The following ZNF83 variants were observed in gnomAD, a reference collection of about 807,000 sequenced individuals.
ZNF83 encodes the protein zinc finger protein 83, also known as zinc finger protein 816B.
For missense variants in ZNF83, 552 were observed against 629.9 expected (o/e 0.88, Z 1.32); for synonymous variants, 209 against 213.0 (o/e 0.98, Z 0.17).
intron 3 of ZNF83, chr19:52,652,982 G>T: frequency 7.4e-7 from 1 of 1,343,498 alleles, no homozygotes; most frequent in Non-Finnish European, 1.1e-6. Context: ...CACCTGTAAG[G>T]TTTCTCTCCA....
At chr19:52,619,204 G>A (rs2060439643) in intron 2 of ZNF83, 2 of 1,584,766 alleles carry the variant, frequency 1.3e-6, no homozygotes, top group Non-Finnish European at 1.7e-6. Context: ...ACCACATGAT[G>A]TCTTCCCAGT....
At chr19:52,627,996 G>A (rs932269117) in intron 2 of ZNF83, among the ~76,000 whole-genome samples, 6 of 151,958 alleles carry the variant, frequency 3.9e-5, no homozygotes, top group Admixed American at 1.3e-4. Context: ...CACTGAGTAC[G>A]TTGTGACACC....
rs982233494 is a variant in ZNF83 at position 52,613,675 on chromosome 19, A to G, written c.890T>C (p.Val297Ala). The G allele has an allele frequency of 1.4e-5, 22 of 1,613,234 alleles. No homozygotes were observed. The highest frequency in any genetic ancestry group is 1.7e-5 in the Non-Finnish European group (20 of 1,179,816). ...TACTAGGGATGACTTGTGACTGAAG[A>G]CCTTGCCACACTCATTACATTTGTA... Residue 297 changes from valine (V) to alanine (A), a missense_variant, in exon 3 of 3, where the codon GTC (valine) becomes GCC (alanine). Val to Ala is a moderately conservative substitution (Grantham distance 64). Coordinates refer to ENST00000301096, the Ensembl canonical transcript of ZNF83.
At chr19:52,640,015 A>ATCCTGGCTC, upstream of ZNF83, among the ~76,000 whole-genome samples, 1 of 152,288 alleles carries the variant, frequency 6.6e-6, no homozygotes, top group African/African-American at 2.4e-5. Context: ...TTGGTCACAC[A>ATCCTGGCTC]TAGTTCATCC....
At chr19:52,685,112 T>C (rs2061992428) in intron 1 of ZNF83, among the ~76,000 whole-genome samples, 1 of 152,188 alleles carries the variant, frequency 6.6e-6, no homozygotes, top group African/African-American at 2.4e-5. Flanking sequence ...AAAATTCTAG[T>C]TACAACTGGG....
At chr19:52,620,268 C>CTGTGTGTGTGTGTGTGTGTG (rs1346555908) in intron 2 of ZNF83, among the ~76,000 whole-genome samples, 1 of 121,246 alleles carries the variant, frequency 8.2e-6, no homozygotes, top group African/African-American at 3.2e-5. Context: ...GTGTGTATAT[C>CTGTGTGTGTGTGTGTGTGTG]TCTGTGTGTG....
intron 1 of ZNF83, among the ~76,000 whole-genome samples, chr19:52,665,102 A>G (rs933038699): frequency 6.6e-6 from 1 of 152,206 alleles, no homozygotes; most frequent in Non-Finnish European, 1.5e-5. Context: ...CGGCCCACAG[A>G]ACCAATTAGA....
intron 1 of ZNF83, among the ~76,000 whole-genome samples, chr19:52,687,616 G>GTATATATATATATAATGTGTATATATA (rs2062062388): frequency 1.3e-4 from 2 of 15,822 alleles, no homozygotes; most frequent in East Asian, 1.3e-3. Flanking sequence ...TATATAATGT[G>GTATATATATATATAATGTGTATATATA]TATATATATA....
chr19:52,677,373 C>A (rs1417449939), intron 1 of ZNF83, among the ~76,000 whole-genome samples: 2 of 150,406 alleles, frequency 1.3e-5, no homozygotes, highest in African/African-American at 4.9e-5. Flanking sequence ...GTAATCCCAG[C>A]TACTCAGGAG....
rs570749192 is a variant in ZNF83, at chr19:52,684,931, G to C, written c.-283+5512C>G. ...GTTGGGCTTTTGTCCTGGGGAACAC[G>C]GGAAGCCGGTGGAGGGTTCCCTGCC... On this transcript the variant is annotated intron_variant, in intron 1 of 5. Coordinates refer to the ZNF83 transcript ENST00000594682. Among the ~76,000 whole-genome samples the C allele has an allele frequency of 7.9e-5, 12 of 152,290 alleles. No individual in the cohort carries two copies. The South Asian group carries it at 2.3e-3, about 29-fold the overall frequency.
At chr19:52,615,321 T>C (rs553590299) in intron 2 of ZNF83, among the ~76,000 whole-genome samples, 45 of 135,102 alleles carry the variant, frequency 3.3e-4, no homozygotes, top group African/African-American at 1.1e-3. Flanking sequence ...AGTGGGGACA[T>C]TGGGCAACAA....
At chr19:52,681,056 G>A (rs940195751) in intron 1 of ZNF83, among the ~76,000 whole-genome samples, 8 of 151,636 alleles carry the variant, frequency 5.3e-5, no homozygotes, top group African/African-American at 1.9e-4. Flanking sequence ...AGGCCAAGCC[G>A]GGCAGATCAT....
exon 3 of ZNF83, chr19:52,612,636 G>A (rs1334048231): frequency 5.0e-6 from 1 of 201,382 alleles, no homozygotes; most frequent in African/African-American, 2.3e-5. Context: ...CTTTAGTATG[G>A]ATTCTCTGAT....
exon 3 of ZNF83, chr19:52,613,237 G>T: frequency 6.2e-7 from 1 of 1,613,692 alleles, no homozygotes; most frequent in Non-Finnish European, 8.5e-7. Flanking sequence ...ATGTGCTAGG[G>T]ATGAGTTTAG....
chr19:52,653,384 A>G, intron 3 of ZNF83: 1 of 1,000,136 alleles, frequency 1.0e-6, no homozygotes, highest in South Asian at 1.3e-5. Flanking sequence ...ACCTTGCCAC[A>G]TTCATTACAT....
At chr19:52,621,032 G>A (rs996600673) in intron 2 of ZNF83, among the ~76,000 whole-genome samples, 1 of 152,150 alleles carries the variant, frequency 6.6e-6, no homozygotes, top group Non-Finnish European at 1.5e-5. Context: ...GACTCAGCCT[G>A]CCTGCACCCA....
intron 1 of ZNF83, among the ~76,000 whole-genome samples, chr19:52,689,150 A>G (rs1445744538): frequency 6.6e-6 from 1 of 152,172 alleles, no homozygotes; most frequent in Non-Finnish European, 1.5e-5. Context: ...CTGTATAATT[A>G]ACTGCTTTTG....
intron 1 of ZNF83, among the ~76,000 whole-genome samples, chr19:52,663,977 C>T (rs946779655): frequency 6.6e-6 from 1 of 152,174 alleles, no homozygotes; most frequent in Admixed American, 6.5e-5. Context: ...ACCTCCACCT[C>T]CCGGATTCAA....
At chr19:52,615,411 T>A (rs1172874813) in intron 2 of ZNF83, among the ~76,000 whole-genome samples, 1 of 152,150 alleles carries the variant, frequency 6.6e-6, no homozygotes, top group Non-Finnish European at 1.5e-5. Flanking sequence ...GAGTACTTGC[T>A]TCCTCTCACT....
Sources: gnomAD v4.1 joint callset for allele counts (sites outside exome capture counted in the v4.1 genomes callset) on GRCh38, gnomAD v4.1.1 for gene constraint, MANE v1.5 for transcripts, NCBI Gene and HGNC (gene_info 2026-07-23, HGNC 2026-07-21) for gene names.